The following KCTD19 variants were observed in gnomAD, a reference collection of about 807,000 sequenced individuals.
KCTD19 encodes the protein potassium channel tetramerization domain containing 19.
Under a neutral mutation model 103.5 loss-of-function variants are expected in KCTD19, and 67 were observed. That is an observed-to-expected ratio of 0.65 (90% CI 0.53 to 0.79). The LOEUF is 0.79. Among genes scored for constraint, KCTD19 ranks in the 30% least tolerant of loss-of-function variants. The pLI is 0.00. For synonymous variants in KCTD19, 439 were observed against 452.2 expected, an observed-to-expected ratio of 0.97 and a Z score of 0.37; for missense variants, 980 against 1,136.1, an observed-to-expected ratio of 0.86 and a Z score of 1.98.
At chr16:67,310,514 T>G (rs1373141476) in intron 2 of KCTD19, among the ~76,000 whole-genome samples, 1 of 152,206 alleles carries the variant, frequency 6.6e-6, no homozygotes, top group African/African-American at 2.4e-5. Context: ...AAAAAGTTAT[T>G]GGAGAGAGGA....
intron 2 of KCTD19, among the ~76,000 whole-genome samples, chr16:67,314,830 T>TAGAGAGAGAGAGAGAGAGAGAG (rs71145965): frequency 3.0e-5 from 1 of 33,652 alleles, no homozygotes; most frequent in African/African-American, 2.1e-4. Context: ...TATATATATA[T>TAGAGAGAGAGAGAGAGAGAGAG]AGAGAGAGAG....
intron 3 of KCTD19, among the ~76,000 whole-genome samples, chr16:67,304,144 G>A (rs780344464): frequency 6.6e-5 from 10 of 152,190 alleles, no homozygotes; most frequent in Non-Finnish European, 1.5e-4. Context: ...TCAAAAGAAT[G>A]GTGGCATTCC....
At chr16:67,312,773 A>G (rs990281159) in intron 2 of KCTD19, among the ~76,000 whole-genome samples, 2 of 152,148 alleles carry the variant, frequency 1.3e-5, no homozygotes, top group Admixed American at 6.6e-5. Context: ...TGTCAGTTCT[A>G]CCAGCAAGAC....
chr16:67,326,485 T>TC, intron 1 of KCTD19: 1 of 528,848 alleles, frequency 1.9e-6, no homozygotes. Context: ...AGAACCGGAG[T>TC]CCCCCACATC....
At chr16:67,302,441 A>T (rs2036844171) in intron 4 of KCTD19, 2 of 158,892 alleles carry the variant, frequency 1.3e-5, no homozygotes, top group African/African-American at 4.8e-5. Flanking sequence ...TATGAATATG[A>T]ATGACTGGGG....
intron 5 of KCTD19, chr16:67,301,525 G>A: frequency 3.3e-6 from 1 of 305,426 alleles, no homozygotes; most frequent in Non-Finnish European, 6.1e-6. Context: ...CCCAGGCTGG[G>A]CTCCTCCTGA....
At position 67,323,259 on chromosome 16, in the gene KCTD19, C is replaced by G. The variant is rs1383303491; in HGVS notation, c.4-2374G>C. ...ACACCAAAATTTCTAGACTAATGTT[C>G]ATAGAACATAATAGCCAAAAGGTTG... On this transcript the variant is annotated intron_variant, in intron 1 of 15. Transcript: ENST00000304372. This position sits in a 1 kb window ranked among gnomAD's most constrained non-coding sequence, Gnocchi z 4.1. 6.6e-6 allele frequency among the ~76,000 whole-genome samples: 1 copy of G among 152,192 alleles called. No homozygotes were observed. The highest frequency in any genetic ancestry group is 6.5e-5 in the Admixed American group (1 of 15,268).
chr16:67,289,687 A>T lies in KCTD19; in HGVS notation c.2668-5T>A. The stretch of plus-strand genomic sequence containing the variant: ...CCTGGCGAAGGGCAGTGTAAGCTGG[A>T]AGGAAAGGCCAGTCTTATCCCTGAT... On this transcript the variant is annotated splice_region_variant and splice_polypyrimidine_tract_variant and intron_variant, in intron 15 of 15. Transcript: ENST00000304372. 1 of 1,604,792 alleles carries T rather than the reference A, an allele frequency of 6.2e-7. No homozygotes were observed. Among genetic ancestry groups the T allele is most frequent in the Non-Finnish European group, 8.5e-7 (1 of 1,171,728 alleles).
intron 15 of KCTD19, 78 bp downstream of exon 15, chr16:67,290,807 C>T: frequency 7.6e-7 from 1 of 1,316,600 alleles, no homozygotes; most frequent in Non-Finnish European, 1.1e-6. Context: ...CTGGCCCAGC[C>T]CTGGTGCAGC....
intron 2 of KCTD19, among the ~76,000 whole-genome samples, chr16:67,314,824 TATATATAGAGAGAGAGAG>T (rs1369529289): frequency 1.5e-4 from 9 of 61,176 alleles, no homozygotes; most frequent in South Asian, 6.4e-4. Context: ...TATATATATA[TATATATAGAGAGAGAGAG>T]AGAGAGAGAG....
At chr16:67,295,192 A>G in intron 9 of KCTD19, 71 bp downstream of exon 9, 5 of 1,590,858 alleles carry the variant, frequency 3.1e-6, no homozygotes, top group Admixed American at 1.7e-5. Context: ...GCTGCAACTC[A>G]GGTCTCCTTT....
intron 1 of KCTD19, chr16:67,321,730 C>T (rs1023821247): frequency 6.6e-6 from 1 of 152,152 alleles, no homozygotes; most frequent in Non-Finnish European, 1.5e-5. Flanking sequence ...GACTACCCTA[C>T]GTTCTCCTAC....
At chr16:67,289,739 C>T in intron 15 of KCTD19, 57 bp from the exon 16 acceptor site, 1 of 1,322,202 alleles carries the variant, frequency 7.6e-7, no homozygotes. Flanking sequence ...TACTCTAGCT[C>T]CATGTGGGTG....
intron 1 of KCTD19, chr16:67,321,706 A>C (rs938439111): frequency 1.3e-5 from 2 of 152,154 alleles, no homozygotes; most frequent in African/African-American, 4.8e-5. Context: ...ATGTGTCTGA[A>C]GTCTTGGAAG....
intron 1 of KCTD19, 134 bp downstream of exon 1, chr16:67,326,571 C>A: frequency 8.0e-7 from 1 of 1,256,588 alleles, no homozygotes; most frequent in Admixed American, 2.4e-5. Flanking sequence ...CAAATCCTTC[C>A]CGGCTGGGGG....
At chr16:67,322,320 C>A (rs1009288267) in intron 1 of KCTD19, among the ~76,000 whole-genome samples, 6 of 143,494 alleles carry the variant, frequency 4.2e-5, no homozygotes, top group Non-Finnish European at 9.0e-5. Context: ...TTTTTTGAGA[C>A]GGAGTCTCGC....
Position 67,299,539 on chromosome 16 carries a change from G to T in KCTD19, c.810C>A (p.Ser270Arg), listed in dbSNP as rs1478414546. 6.2e-7 allele frequency: 1 copy of T among 1,613,792 alleles called. No individual in the cohort carries two copies. The highest frequency in any genetic ancestry group is 1.1e-5 in the South Asian group (1 of 91,084). ...GCSPTTCSPL[S>R]PGKGARTASL... ...TGGCTGTGCGGGCCCCCTTCCCGGGGCTCAGGGGAGAACAGGTGGTCGGGG... is the reference window on the plus strand; with the variant it reads ...TGGCTGTGCGGGCCCCCTTCCCGGGTCTCAGGGGAGAACAGGTGGTCGGGG... The change falls in exon 6 of 16, where the codon AGC becomes AGA. Residue 270 changes from serine (S) to arginine (R), a missense_variant. By Grantham distance (110) the Ser-to-Arg change is moderately radical. Coordinates refer to ENST00000304372, the MANE Select transcript of KCTD19 (RefSeq NM_001100915.3).
intron 2 of KCTD19, among the ~76,000 whole-genome samples, chr16:67,315,619 T>A (rs945334225): frequency 6.6e-6 from 1 of 152,122 alleles, no homozygotes; most frequent in African/African-American, 2.4e-5. Context: ...GTAGCTGGGA[T>A]TATAGGCGCA....
Position 67,293,350 on chromosome 16 carries a change from G to A in KCTD19, c.2218+194C>T, listed in dbSNP as rs535862540. On this transcript the variant is annotated intron_variant, in intron 12 of 15. Coordinates refer to ENST00000304372, the MANE Select transcript of KCTD19 (RefSeq NM_001100915.3). The surrounding 1 kb of genome is among the most constrained non-coding windows in gnomAD (Gnocchi z 4.0). ...TTCCCACAGCACTCATCCCTTCGCC[G>A]TGTGTGTTCTCCTGGCCCCTCCAGC... is the stretch of plus-strand genomic sequence containing the variant. Among the ~76,000 whole-genome samples the A allele has an allele frequency of 2.6e-5, 4 of 152,202 alleles. No homozygotes were observed. Among genetic ancestry groups the A allele is most frequent in the South Asian group, 2.1e-4 (1 of 4,826 alleles).
Sources: allele counts gnomAD v4.1 joint callset (sites outside exome capture counted in the v4.1 genomes callset), GRCh38; gene constraint gnomAD v4.1.1; non-coding constraint Gnocchi (gnomAD v3.1); transcripts MANE v1.5; gene names NCBI Gene and HGNC (gene_info 2026-07-23, HGNC 2026-07-21).